Variants in KDSR observed in about 807,000 individuals in gnomAD.
KDSR encodes the protein 3-dehydrosphinganine reductase.
In KDSR, 23 loss-of-function variants were observed where a neutral mutation model predicts 41.3. That is an observed-to-expected ratio of 0.56 (90% CI 0.40 to 0.79). The LOEUF (loss-of-function observed/expected upper bound fraction) is 0.79, where lower values mean the gene tolerates loss of function less well. Among genes scored for constraint, KDSR ranks in the 30% least tolerant of loss-of-function variants. The probability of loss-of-function intolerance (pLI) is 0.00; values close to 1 mark genes in which losing one functional copy is unlikely to be tolerated. For synonymous variants in KDSR, 138 were observed against 151.7 expected, an observed-to-expected ratio of 0.91 and a Z score of 0.66; for missense variants, 351 against 416.8, an observed-to-expected ratio of 0.84 and a Z score of 1.37.
chr18:63,329,819 GA>G lies in KDSR; in HGVS notation c.*1962del. On this transcript the variant is annotated 3_prime_UTR_variant, in exon 10 of 10. Transcript: ENST00000645214. Reference sequence around the variant, plus strand: ...GCCAACATTCGAGGAACATTTATGAGAAAAGAATAAAACTGAGAAACATCCA... The same window carrying G: ...GCCAACATTCGAGGAACATTTATGAGAAAGAATAAAACTGAGAAACATCCA... The G allele has an allele frequency of 5.1e-6, 1 of 194,994 alleles. No individual in the cohort carries two copies. The highest frequency in any genetic ancestry group is 1.1e-5 in the Non-Finnish European group (1 of 93,686). 12.1% of individuals were successfully genotyped at this position (194,994 alleles called of 1,614,324 possible). A position where few individuals can be genotyped will look rare whatever the true frequency, so the allele number is the denominator to read the frequency against.
chr18:63,365,390 AACAATTAC>A (rs1190830032), intron 1 of KDSR, among the ~76,000 whole-genome samples: 1 of 152,226 alleles, frequency 6.6e-6, no homozygotes, highest in African/African-American at 2.4e-5. Context: ...AAATCTCAAG[AACAATTAC>A]ACTTTTCACT....
At chr18:63,342,737 C>G (rs1467812335) in intron 7 of KDSR, among the ~76,000 whole-genome samples, 1 of 151,958 alleles carries the variant, frequency 6.6e-6, no homozygotes, top group South Asian at 2.1e-4. Context: ...TACTCTATTG[C>G]CCAGGCTGGA....
chr18:63,359,430 A>G (rs1231907847), intron 3 of KDSR: 2 of 251,524 alleles, frequency 8.0e-6, no homozygotes, highest in African/African-American at 2.2e-5. Flanking sequence ...AACCAAATAA[A>G]TTTTAAATAT....
At chr18:63,356,305 A>G (rs1178876105) in intron 3 of KDSR, among the ~76,000 whole-genome samples, 4 of 151,924 alleles carry the variant, frequency 2.6e-5, no homozygotes, top group Non-Finnish European at 5.9e-5. Context: ...AGACTGAGGC[A>G]GGAGAATTGC....
chr18:63,344,013 C>CA (rs1348928001), intron 7 of KDSR, among the ~76,000 whole-genome samples: 3 of 151,954 alleles, frequency 2.0e-5, no homozygotes, highest in Non-Finnish European at 2.9e-5. Context: ...TCCATCTCTA[C>CA]AAAAAAATTA....
chr18:63,342,583 G>A (rs1914373080), intron 7 of KDSR, among the ~76,000 whole-genome samples: 1 of 152,204 alleles, frequency 6.6e-6, no homozygotes, highest in South Asian at 2.1e-4. Context: ...GAAAAGGCAA[G>A]AAAGGAAATG....
At chr18:63,357,735 G>A (rs1762720933) in intron 3 of KDSR, among the ~76,000 whole-genome samples, 1 of 151,684 alleles carries the variant, frequency 6.6e-6, no homozygotes, top group South Asian at 2.1e-4. Flanking sequence ...GGTTACAGGT[G>A]CAGCTAACTT....
intron 9 of KDSR, among the ~76,000 whole-genome samples, chr18:63,334,123 A>T (rs1396949620): frequency 6.6e-6 from 1 of 152,224 alleles, no homozygotes; most frequent in African/African-American, 2.4e-5. Context: ...TACATCTAAC[A>T]CAGTGTCAAC....
intron 3 of KDSR, among the ~76,000 whole-genome samples, chr18:63,358,037 G>C (rs370768730): frequency 6.6e-6 from 1 of 152,086 alleles, no homozygotes; most frequent in African/African-American, 2.4e-5. Context: ...TTAGCTGGGC[G>C]TAGTGACGCG....
At chr18:63,336,657 A>G (rs919273554) in intron 8 of KDSR, among the ~76,000 whole-genome samples, 2 of 152,234 alleles carry the variant, frequency 1.3e-5, no homozygotes, top group African/African-American at 4.8e-5. Context: ...TGAATGGTTA[A>G]AAGATCCATT....
chr18:63,348,149 T>C (rs1419648493), intron 6 of KDSR, among the ~76,000 whole-genome samples: 1 of 151,076 alleles, frequency 6.6e-6, no homozygotes, highest in Non-Finnish European at 1.5e-5. Context: ...AAATAAAAAA[T>C]AAACAAAAAA....
In KDSR at chr18:63,331,318, CAGAGAGACAGAGAGAG is replaced by C. The variant is rs200716307; in HGVS notation, c.*448_*463del. On this transcript the variant is annotated 3_prime_UTR_variant, in exon 10 of 10. Coordinates refer to ENST00000645214, the MANE Select transcript of KDSR (RefSeq NM_002035.4). ...ACAGAGAGACAGAGAGACAGAGAGA[CAGAGAGACAGAGAGAG>C]AGAGAGAGAGAACCCGAGAAACCGA... is the stretch of plus-strand genomic sequence containing the variant. The C allele has an allele frequency of 0.22, 49,052 of 218,174 alleles. 5,671 individuals are homozygous for C. The highest frequency in any genetic ancestry group is 0.26 in the Middle Eastern group (196 of 740). 13.5% of individuals were successfully genotyped at this position (218,174 alleles called of 1,614,324 possible).
intron 3 of KDSR, among the ~76,000 whole-genome samples, chr18:63,357,878 AAAG>A (rs1555715155): frequency 6.6e-6 from 1 of 152,068 alleles, no homozygotes; most frequent in Non-Finnish European, 1.5e-5. Context: ...CACCTGGCCT[AAAG>A]AATAATATTG....
intron 3 of KDSR, 28 bp from the exon 4 acceptor site, chr18:63,355,591 A>C (rs375016044): frequency 3.5e-5 from 54 of 1,547,322 alleles, no homozygotes; most frequent in Admixed American, 3.0e-4. Flanking sequence ...AAGTGATCAA[A>C]GTTTTGCAGG....
chr18:63,335,360 TAA>T lies in KDSR; in HGVS notation c.778-4_778-3del, dbSNP rs753410186. On this transcript the variant is annotated splice_region_variant and splice_polypyrimidine_tract_variant and intron_variant, in intron 8 of 9. Transcript: ENST00000645214. ...AAGGGAACTGTTGAAATTTCCTTGC[TAA>T]AAGAGAAGAAAAAGAAGAGAAAGAG... 3.1e-6 allele frequency: 5 copies of T among 1,602,534 alleles called. No homozygotes were observed. The highest frequency in any genetic ancestry group is 4.3e-6 in the Non-Finnish European group (5 of 1,169,810).
At chr18:63,342,011 T>A (rs1412455767) in intron 7 of KDSR, among the ~76,000 whole-genome samples, 2 of 150,432 alleles carry the variant, frequency 1.3e-5, no homozygotes, top group African/African-American at 2.4e-5. Flanking sequence ...TAAAAAAAAA[T>A]ACAAAAAATC....
rs958414279 is a variant in KDSR, at chr18:63,329,204, C to T, written c.*2578G>A. 9.6e-6 allele frequency: 2 copies of T among 207,764 alleles called. No individual in the cohort carries two copies. The highest frequency in any genetic ancestry group is 5.9e-5 in the Admixed American group (1 of 16,824). 12.9% of individuals were successfully genotyped at this position (207,764 alleles called of 1,614,324 possible). On this transcript the variant is annotated 3_prime_UTR_variant, in exon 10 of 10. Coordinates refer to ENST00000645214, the MANE Select transcript of KDSR (RefSeq NM_002035.4). ...TGAGGCTGCTTAAATGCCTACAACC[C>T]CTTATCCAAAACCCGCTGGGCTGGA...
chr18:63,359,121 G>A, intron 3 of KDSR, among the ~76,000 whole-genome samples: 1 of 142,582 alleles, frequency 7.0e-6, no homozygotes. Flanking sequence ...CGAGGCTGCA[G>A]TGAGCTGAGA....
chr18:63,344,427 C>G lies in KDSR; in HGVS notation c.676G>C (p.Glu226Gln). Residue 226 changes from glutamate (E) to glutamine (Q), a missense_variant, in exon 7 of 10, where the codon GAA (glutamate) becomes CAA (glutamine). Physicochemically the swap from Glu to Gln is conservative, Grantham distance 29 (BLOSUM62 2). Transcript: ENST00000645214. ...PPDTDTPGFA[E>Q]ENRTKPLETR... ...ATACTGACCTTTGTTCTGTTTTCTTCGGCAAAGCCAGGTGTGTCTGTGTCT... is the reference window on the plus strand; with the variant it reads ...ATACTGACCTTTGTTCTGTTTTCTTGGGCAAAGCCAGGTGTGTCTGTGTCT... The G allele has an allele frequency of 6.2e-7, 1 of 1,613,342 alleles. No individual in the cohort carries two copies. The highest frequency in any genetic ancestry group is 8.5e-7 in the Non-Finnish European group (1 of 1,179,306).
Sources: gnomAD v4.1 joint callset for allele counts (sites outside exome capture counted in the v4.1 genomes callset) on GRCh38, gnomAD v4.1.1 for gene constraint, MANE v1.5 for transcripts, NCBI Gene and HGNC (gene_info 2026-07-23, HGNC 2026-07-21) for gene names.